TACC2: variants seen among roughly 807,000 people sequenced by gnomAD.
The protein encoded by TACC2 is transforming acidic coiled-coil-containing protein 2.
TACC2 carries 137 observed loss-of-function variants against 227.3 expected under a neutral mutation model. The ratio of observed to expected loss-of-function variants is 0.60; its 90% CI spans 0.52 to 0.69. The LOEUF is 0.69. Ranked by LOEUF, TACC2 falls within the 30% of genes least tolerant of loss-of-function variation. The probability of loss-of-function intolerance (pLI) is 0.00; values close to 1 mark genes in which losing one functional copy is unlikely to be tolerated. For missense variants in TACC2, 3,470 were observed against 3,694.4 expected, an observed-to-expected ratio of 0.94 and a Z score of 1.57; for synonymous variants, 1,523 against 1,487.5, an observed-to-expected ratio of 1.02 and a Z score of -0.55.
chr10:122,204,481 A>G (rs1018838510), intron 8 of TACC2, among the ~76,000 whole-genome samples: 7 of 152,124 alleles, frequency 4.6e-5, no homozygotes, highest in Non-Finnish European at 1.0e-4. Flanking sequence ...GGGATGTGGC[A>G]AGGAAAGCTG....
At chr10:122,021,368 A>T (rs916478863) in intron 1 of TACC2, among the ~76,000 whole-genome samples, 4 of 152,190 alleles carry the variant, frequency 2.6e-5, no homozygotes, top group African/African-American at 9.7e-5. Flanking sequence ...TTCCTTAGCA[A>T]GAAAGCCATT....
chr10:122,040,922 C>A (rs1387147688), intron 2 of TACC2, among the ~76,000 whole-genome samples: 1 of 152,136 alleles, frequency 6.6e-6, no homozygotes, highest in Admixed American at 6.5e-5. Flanking sequence ...GGACCCAGAG[C>A]CAGCTCAGCA....
intron 8 of TACC2, among the ~76,000 whole-genome samples, chr10:122,204,911 G>A (rs903008971): frequency 6.6e-6 from 1 of 151,700 alleles, no homozygotes; most frequent in African/African-American, 2.4e-5. Context: ...TGTCTGAACC[G>A]CCCGCACAGC....
chr10:122,248,539 C>G, intron 19 of TACC2, 104 bp from the exon 20 acceptor site: 1 of 1,332,298 alleles, frequency 7.5e-7, no homozygotes, highest in East Asian at 2.3e-5. Flanking sequence ...GTTTGAGATG[C>G]CCCCACTGGT....
At chr10:122,035,804 C>T (rs1960115522) in intron 2 of TACC2, among the ~76,000 whole-genome samples, 1 of 151,900 alleles carries the variant, frequency 6.6e-6, no homozygotes, top group Non-Finnish European at 1.5e-5. Context: ...TCTCTCCTTC[C>T]TTTCCTCTTT....
chr10:122,196,197 T>A (rs2094563092), intron 8 of TACC2, among the ~76,000 whole-genome samples: 1 of 152,184 alleles, frequency 6.6e-6, no homozygotes, highest in African/African-American at 2.4e-5. Context: ...GACCTTGATG[T>A]TGGTTTTAGA....
At chr10:122,103,918 C>T (rs1592041800) in intron 5 of TACC2, among the ~76,000 whole-genome samples, 1 of 152,194 alleles carries the variant, frequency 6.6e-6, no homozygotes, top group African/African-American at 2.4e-5. Flanking sequence ...AGACCATGCT[C>T]TGTTTCAAGA....
At chr10:122,081,616 T>A (rs373056630) in intron 3 of TACC2, among the ~76,000 whole-genome samples, 2 of 151,656 alleles carry the variant, frequency 1.3e-5, no homozygotes, top group East Asian at 3.9e-4. Flanking sequence ...CATTTTATAA[T>A]AACTGGATAG....
intron 7 of TACC2, among the ~76,000 whole-genome samples, chr10:122,182,917 C>T (rs1037465711): frequency 3.9e-5 from 6 of 152,068 alleles, no homozygotes; most frequent in African/African-American, 9.6e-5. Flanking sequence ...GGAGCCAGGT[C>T]GGGCCTGGTG....
At chr10:122,178,298 G>A (rs929867169) in intron 7 of TACC2, among the ~76,000 whole-genome samples, 5 of 147,436 alleles carry the variant, frequency 3.4e-5, no homozygotes, top group East Asian at 2.0e-4. Context: ...GTGCAGTGTC[G>A]TGATCTTTGT....
chr10:122,123,244 A>T (rs2086185059), intron 5 of TACC2, among the ~76,000 whole-genome samples: 1 of 151,986 alleles, frequency 6.6e-6, no homozygotes, highest in Non-Finnish European at 1.5e-5. Context: ...GGCTGAAGTG[A>T]TTCACCCACC....
rs979408752 is a variant in TACC2 at position 122,194,454 on chromosome 10, C to T, written c.5835-586C>T. 6.6e-6 allele frequency among the ~76,000 whole-genome samples: 1 copy of T among 152,204 alleles called. No individual in the cohort carries two copies. Among genetic ancestry groups the T allele is most frequent in the African/African-American group, 2.4e-5 (1 of 41,452 alleles). On this transcript the variant is annotated intron_variant, in intron 7 of 22. Transcript: ENST00000369005. This position sits in a 1 kb window ranked among gnomAD's most constrained non-coding sequence, Gnocchi z 4.4. Reference sequence around the variant, plus strand: ...GCCTGGCCGGCTTGCTGGCTTCCTTCGTTCACTCCATTCACCCACTCAACA... The same window carrying T: ...GCCTGGCCGGCTTGCTGGCTTCCTTTGTTCACTCCATTCACCCACTCAACA...
chr10:122,028,980 C>T (rs1248191447), intron 2 of TACC2, among the ~76,000 whole-genome samples: 20 of 1,110 alleles, frequency 0.018, no homozygotes, highest in African/African-American at 0.093. Context: ...TCCCTCCCCT[C>T]CCCTCCCCTC....
intron 3 of TACC2, among the ~76,000 whole-genome samples, chr10:122,075,606 C>T (rs756268455): frequency 6.6e-6 from 1 of 152,006 alleles, no homozygotes; most frequent in African/African-American, 2.4e-5. Flanking sequence ...ATTTGAGGGC[C>T]CAGGCAGGAA....
intron 1 of TACC2, among the ~76,000 whole-genome samples, chr10:121,993,707 C>G (rs1953136704): frequency 2.0e-5 from 3 of 152,136 alleles, no homozygotes; most frequent in Admixed American, 6.5e-5. Context: ...CTCACCGCAA[C>G]CTCAACCGCC....
chr10:122,016,543 G>C (rs1956658710), intron 1 of TACC2, among the ~76,000 whole-genome samples: 1 of 148,014 alleles, frequency 6.8e-6, no homozygotes, highest in Admixed American at 6.8e-5. Context: ...CTCCAGCCTG[G>C]ACGACAGAAT....
chr10:122,127,846 A>G (rs903601007), intron 5 of TACC2, among the ~76,000 whole-genome samples: 2 of 152,228 alleles, frequency 1.3e-5, no homozygotes, highest in African/African-American at 4.8e-5. Flanking sequence ...ATTTCTTTGT[A>G]GCAGTTTCAT....
rs114401355 is a variant in TACC2, at chr10:122,214,481, A to T, written c.7284-910A>T. ...AGGGTGGTGGGATCTAAGGAGAGGG[A>T]TCACCCCCCAAAGCCTTTGCTTTGC... On this transcript the variant is annotated intron_variant, in intron 9 of 22. Coordinates refer to ENST00000369005, the MANE Select transcript of TACC2 (RefSeq NM_206862.4). Among the ~76,000 whole-genome samples, 1,015 of 152,170 alleles carry T rather than the reference A, an allele frequency of 6.7e-3. 16 individuals carry two copies. The highest frequency in any genetic ancestry group is 0.022 in the African/African-American group (929 of 41,520).
chr10:122,154,718 G>C (rs2092346414), intron 7 of TACC2, among the ~76,000 whole-genome samples: 1 of 152,154 alleles, frequency 6.6e-6, no homozygotes, highest in Non-Finnish European at 1.5e-5. Flanking sequence ...GGTGTAGAGG[G>C]AATTATACAG....
Sources: allele counts gnomAD v4.1 joint callset (sites outside exome capture counted in the v4.1 genomes callset), GRCh38; gene constraint gnomAD v4.1.1; non-coding constraint Gnocchi (gnomAD v3.1); transcripts MANE v1.5; gene names NCBI Gene and HGNC (gene_info 2026-07-23, HGNC 2026-07-21).